The following BMPR2 variants were observed in gnomAD, a reference collection of about 807,000 sequenced individuals.
BMPR2 encodes the protein bone morphogenetic protein receptor type-2.
Under a neutral mutation model 100.8 loss-of-function variants are expected in BMPR2, and 29 were observed. That is an observed-to-expected ratio of 0.29 (90% CI 0.21 to 0.39). BMPR2 has a LOEUF of 0.39. BMPR2 is among the 10% of genes least tolerant of loss of function. The probability of loss-of-function intolerance (pLI) is 1.00; values close to 1 mark genes in which losing one functional copy is unlikely to be tolerated. For missense variants in BMPR2, 1,011 were observed against 1,274.5 expected (o/e 0.79, Z 3.15); for synonymous variants, 382 against 442.3 (o/e 0.86, Z 1.71).
At chr2:202,501,628 C>T (rs1221523456) in intron 3 of BMPR2, among the ~76,000 whole-genome samples, 1 of 152,180 alleles carries the variant, frequency 6.6e-6, no homozygotes, top group African/African-American at 2.4e-5. Flanking sequence ...CAGCAGTGGC[C>T]ATCTTAGCAT....
intron 3 of BMPR2, among the ~76,000 whole-genome samples, chr2:202,469,177 T>C (rs1009671405): frequency 7.9e-5 from 12 of 152,102 alleles, no homozygotes; most frequent in Non-Finnish European, 1.5e-4. Flanking sequence ...ATCAGGCATG[T>C]GCCACCACGC....
intron 1 of BMPR2, among the ~76,000 whole-genome samples, chr2:202,394,496 C>G (rs1690620498): frequency 6.6e-6 from 1 of 152,008 alleles, no homozygotes. Flanking sequence ...TAACTTCTCC[C>G]TTTATGAGTG....
At position 202,434,933 on chromosome 2, in the gene BMPR2, A is replaced by ATATATTTATT. The variant is rs1483284948; in HGVS notation, c.77-29873_77-29872insATTTATTTAT. On this transcript the variant is annotated intron_variant, in intron 1 of 12. Coordinates refer to ENST00000374580, the MANE Select transcript of BMPR2 (RefSeq NM_001204.7). The stretch of plus-strand genomic sequence containing the variant: ...AATATATATATATATATATATATAT[A>ATATATTTATT]TATTTATTTATTTATTTACGTCTAT... Among the ~76,000 whole-genome samples, 3 of 82,040 alleles carry ATATATTTATT rather than the reference A, an allele frequency of 3.7e-5. 1 individual carries two copies. Among genetic ancestry groups the ATATATTTATT allele is most frequent in the East Asian group, 3.6e-4 (1 of 2,746 alleles). 53.8% of individuals were successfully genotyped at this position (82,040 alleles called of 152,430 possible).
chr2:202,553,473 G>T (rs1688515643), intron 11 of BMPR2, among the ~76,000 whole-genome samples: 1 of 151,914 alleles, frequency 6.6e-6, no homozygotes, highest in Non-Finnish European at 1.5e-5. Context: ...AAATAGAAAG[G>T]CTTTTTAAAA....
At chr2:202,478,658 C>T (rs1692595556) in intron 3 of BMPR2, among the ~76,000 whole-genome samples, 1 of 152,290 alleles carries the variant, frequency 6.6e-6, no homozygotes, top group South Asian at 2.1e-4. Context: ...CCTGTAATCC[C>T]AGCATTTTGA....
At position 202,561,429 on chromosome 2, in the gene BMPR2, TCTC is replaced by T. The variant is rs1399299044; in HGVS notation, c.*1487_*1489del. The T allele has an allele frequency of 6.6e-6, 1 of 152,096 alleles. No individual in the cohort carries two copies. Among genetic ancestry groups the T allele is most frequent in the Admixed American group, 6.6e-5 (1 of 15,258 alleles). The allele number at this position is 152,096 out of a possible 1,614,324, so 9.4% of individuals were successfully genotyped here. ...CCTTTGCTTCTTTCATTACTTATAA[TCTC>T]CTCTAAAACAACCTCTGCATGTTTT... On this transcript the variant is annotated 3_prime_UTR_variant, in exon 13 of 13. Coordinates refer to ENST00000374580, the MANE Select transcript of BMPR2 (RefSeq NM_001204.7).
chr2:202,404,005 C>CA (rs536716050), intron 1 of BMPR2, among the ~76,000 whole-genome samples: 15,158 of 93,482 alleles, frequency 0.16, 1,028 homozygotes, highest in Middle Eastern at 0.31. Flanking sequence ...AACTCCGTCT[C>CA]AAAAAAAAAA....
chr2:202,532,749 A>G lies in BMPR2; in HGVS notation c.1276+17A>G. On this transcript the variant is annotated intron_variant, in intron 9 of 12. Coordinates refer to ENST00000374580, the MANE Select transcript of BMPR2 (RefSeq NM_001204.7). This position sits in a 1 kb window ranked among gnomAD's most constrained non-coding sequence, Gnocchi z 4.1. ...TCTTCCCAGGTAAAAACTACTGTCA[A>G]AAGTTGATATTTTTTGAAGTGAAGC... The G allele has an allele frequency of 6.2e-7, 1 of 1,609,312 alleles. No individual in the cohort carries two copies. The highest frequency in any genetic ancestry group is 8.5e-7 in the Non-Finnish European group (1 of 1,179,332).
At chr2:202,474,039 AG>A (rs1198423809) in intron 3 of BMPR2, among the ~76,000 whole-genome samples, 1 of 151,856 alleles carries the variant, frequency 6.6e-6, no homozygotes, top group Non-Finnish European at 1.5e-5. Flanking sequence ...CAGGAGGCAG[AG>A]GTTGCAGTGA....
At chr2:202,441,126 G>A (rs185867507) in intron 1 of BMPR2, among the ~76,000 whole-genome samples, 2 of 149,816 alleles carry the variant, frequency 1.3e-5, no homozygotes, top group Non-Finnish European at 2.9e-5. Flanking sequence ...GACTACAGGC[G>A]CATGCTGCCA....
chr2:202,380,023 A>G (rs888762275), intron 1 of BMPR2, among the ~76,000 whole-genome samples: 1 of 151,972 alleles, frequency 6.6e-6, no homozygotes. Context: ...ATGCCCAGCT[A>G]ATTTATTTTT....
rs1050838040 is a variant in BMPR2, at chr2:202,434,538, A to T, written c.77-30271A>T. Among the ~76,000 whole-genome samples, 41 of 150,364 alleles carry T rather than the reference A, an allele frequency of 2.7e-4. 1 individual carries two copies. Among genetic ancestry groups the T allele is most frequent in the Admixed American group, 2.4e-3 (36 of 15,184 alleles). ...TCCTGCTCATTCCTGTCATCAAACAAGGGCAATTTTTAAAGAGTTTCAATG... is the reference window on the plus strand; with the variant it reads ...TCCTGCTCATTCCTGTCATCAAACATGGGCAATTTTTAAAGAGTTTCAATG... On this transcript the variant is annotated intron_variant, in intron 1 of 12. Coordinates refer to ENST00000374580, the MANE Select transcript of BMPR2 (RefSeq NM_001204.7).
intron 1 of BMPR2, among the ~76,000 whole-genome samples, chr2:202,409,594 A>C (rs1471676511): frequency 6.6e-6 from 1 of 152,122 alleles, no homozygotes. Context: ...CAGACATATG[A>C]TCTCCGAAAC....
intron 10 of BMPR2, among the ~76,000 whole-genome samples, chr2:202,543,272 A>G (rs1688314633): frequency 6.8e-6 from 1 of 148,000 alleles, no homozygotes; most frequent in African/African-American, 2.5e-5. Flanking sequence ...ATTTATATAT[A>G]TGTAAAATTC....
intron 1 of BMPR2, among the ~76,000 whole-genome samples, chr2:202,388,738 A>G (rs923820733): frequency 6.6e-6 from 1 of 150,766 alleles, no homozygotes; most frequent in African/African-American, 2.4e-5. Flanking sequence ...CAGTGAGCCG[A>G]GATTGCGCCA....
At chr2:202,533,175 C>A (rs916841008) in intron 9 of BMPR2, among the ~76,000 whole-genome samples, 3 of 151,566 alleles carry the variant, frequency 2.0e-5, no homozygotes, top group Admixed American at 1.3e-4. Flanking sequence ...TTCCTTCTTT[C>A]CTTCTTTCTT....
At chr2:202,418,510 CAT>C (rs1362886889) in intron 1 of BMPR2, among the ~76,000 whole-genome samples, 3 of 152,212 alleles carry the variant, frequency 2.0e-5, no homozygotes, top group Admixed American at 2.0e-4. Context: ...ATCCTGAGAA[CAT>C]GTGTCCAAGG....
At chr2:202,546,661 T>C (rs1237272273) in intron 10 of BMPR2, among the ~76,000 whole-genome samples, 1 of 152,214 alleles carries the variant, frequency 6.6e-6, no homozygotes, top group Non-Finnish European at 1.5e-5. Context: ...TGGAGTGCAG[T>C]GGCGCAATCT....
At chr2:202,377,648 C>G in intron 1 of BMPR2, 98 bp downstream of exon 1, 2 of 1,400,340 alleles carry the variant, frequency 1.4e-6, no homozygotes, top group Non-Finnish European at 2.0e-6. Flanking sequence ...CTTCGCCATG[C>G]GTCCCCCCGA....
Sources: gnomAD v4.1 joint callset for allele counts (sites outside exome capture counted in the v4.1 genomes callset) on GRCh38, gnomAD v4.1.1 for gene constraint, Gnocchi (gnomAD v3.1) non-coding constraint, MANE v1.5 for transcripts, NCBI Gene and HGNC (gene_info 2026-07-23, HGNC 2026-07-21) for gene names.